FBXO28: variants seen among roughly 807,000 people sequenced by gnomAD.
FBXO28 encodes F-box only protein 28.
A neutral mutation model predicts 38.1 loss-of-function variants in FBXO28; 8 were observed. That is an observed-to-expected ratio of 0.21 (90% CI 0.12 to 0.38). The LOEUF (loss-of-function observed/expected upper bound fraction) is 0.38, where lower values mean the gene tolerates loss of function less well. Among genes scored for constraint, FBXO28 ranks in the 10% least tolerant of loss-of-function variants. The pLI, the probability that FBXO28 is intolerant of heterozygous loss-of-function variation, is 1.00. For missense variants in FBXO28, 345 were observed against 460.6 expected, an observed-to-expected ratio of 0.75 and a Z score of 2.30; for synonymous variants, 168 against 173.8, an observed-to-expected ratio of 0.97 and a Z score of 0.26.
chr1:224,135,611 CAAAAAAAAAAA>C (rs71168313), intron 3 of FBXO28, among the ~76,000 whole-genome samples: 30 of 110,762 alleles, frequency 2.7e-4, no homozygotes, highest in African/African-American at 9.5e-4. Context: ...GACTCTGTCT[CAAAAAAAAAAA>C]AAAAAAAAAA....
intron 3 of FBXO28, among the ~76,000 whole-genome samples, chr1:224,138,867 C>T (rs1375995684): frequency 1.3e-5 from 2 of 151,702 alleles, no homozygotes; most frequent in Non-Finnish European, 2.9e-5. Context: ...CTGCAACCTC[C>T]GCCTCCTGGG....
At chr1:224,128,387 G>A (rs186945360) in intron 1 of FBXO28, among the ~76,000 whole-genome samples, 3 of 151,734 alleles carry the variant, frequency 2.0e-5, no homozygotes, top group Non-Finnish European at 4.4e-5. Flanking sequence ...CTGTATACTA[G>A]ATCTAATTAA....
At chr1:224,147,697 T>C (rs1657542265) in intron 3 of FBXO28, among the ~76,000 whole-genome samples, 2 of 152,008 alleles carry the variant, frequency 1.3e-5, no homozygotes, top group South Asian at 4.2e-4. Flanking sequence ...TGGGTAAGGT[T>C]CAACATGTGG....
intron 3 of FBXO28, 136 bp downstream of exon 3, chr1:224,134,348 C>T (rs1657125994): frequency 1.4e-6 from 1 of 734,934 alleles, no homozygotes; most frequent in Admixed American, 2.9e-5. Flanking sequence ...TGTTTGCTTT[C>T]TGTACAGTTA....
intron 3 of FBXO28, among the ~76,000 whole-genome samples, chr1:224,135,605 C>CT (rs1657156208): frequency 1.3e-5 from 1 of 78,568 alleles, no homozygotes; most frequent in Non-Finnish European, 2.4e-5. Flanking sequence ...GAGCAAGACT[C>CT]TGTCTCAAAA....
At chr1:224,119,891 G>A (rs10916325) in intron 1 of FBXO28, among the ~76,000 whole-genome samples, 150,247 of 152,282 alleles carry the variant, frequency 0.99, 74,155 homozygotes, top group Middle Eastern at 1. Context: ...GTGGTCACCT[G>A]TCCTCCTGTC....
intron 1 of FBXO28, among the ~76,000 whole-genome samples, chr1:224,124,898 T>G (rs923421904): frequency 6.6e-6 from 1 of 152,054 alleles, no homozygotes; most frequent in Non-Finnish European, 1.5e-5. Flanking sequence ...TGGCAAATTT[T>G]TGTATTTTTA....
At chr1:224,116,467 CTGACATA>C (rs1656645683) in intron 1 of FBXO28, among the ~76,000 whole-genome samples, 1 of 152,108 alleles carries the variant, frequency 6.6e-6, no homozygotes, top group Admixed American at 6.5e-5. Context: ...ATGCTGCTAT[CTGACATA>C]TAAGTTACGT....
chr1:224,122,322 G>A (rs1572006215), intron 1 of FBXO28, among the ~76,000 whole-genome samples: 1 of 152,222 alleles, frequency 6.6e-6, no homozygotes, highest in South Asian at 2.1e-4. Flanking sequence ...ATGTGTGTAT[G>A]TGTGCATCTA....
At chr1:224,122,219 A>T (rs746830412) in intron 1 of FBXO28, among the ~76,000 whole-genome samples, 1 of 152,194 alleles carries the variant, frequency 6.6e-6, no homozygotes, top group Non-Finnish European at 1.5e-5. Flanking sequence ...TTCGTTCATT[A>T]TTCATTTTTT....
At position 224,160,276 on chromosome 1, in the gene FBXO28, T is replaced by C. The variant is rs146749528; in HGVS notation, c.*2530T>C. The C allele has an allele frequency of 4.6e-5, 7 of 152,366 alleles. No individual in the cohort carries two copies. The highest frequency in any genetic ancestry group is 1.7e-4 in the African/African-American group (7 of 41,590). 9.4% of individuals were successfully genotyped at this position (152,366 alleles called of 1,614,324 possible). A position where few individuals can be genotyped will look rare whatever the true frequency, so the allele number is the denominator to read the frequency against. Reference sequence around the variant, plus strand: ...GTAAATTAACCTCCTGAGAGAACCATTCTGCCCTGCATTTTAAGTCAGGTA... The same window carrying C: ...GTAAATTAACCTCCTGAGAGAACCACTCTGCCCTGCATTTTAAGTCAGGTA... On this transcript the variant is annotated 3_prime_UTR_variant, in exon 5 of 5. Transcript: ENST00000366862.
rs374924427 is a variant in FBXO28 at position 224,155,098 on chromosome 1, A to C, written c.712+1761A>C. The stretch of plus-strand genomic sequence containing the variant: ...AACAAATATACCAGATAAAATGCCA[A>C]AAACTCTTCAGGGACATATTTGGTG... On this transcript the variant is annotated intron_variant, in intron 4 of 4. Coordinates refer to ENST00000366862, the MANE Select transcript of FBXO28 (RefSeq NM_015176.4). 2.6e-5 allele frequency among the ~76,000 whole-genome samples: 4 copies of C among 152,320 alleles called. No individual in the cohort carries two copies. In the East Asian group the frequency reaches 5.8e-4, roughly 22 times the overall value.
rs57108038 is a variant in FBXO28, at chr1:224,139,764, G to GCATACATACATACATACATA, written c.516+5572_516+5591dup. On this transcript the variant is annotated intron_variant, in intron 3 of 4. Transcript: ENST00000366862. ...GAAATAAATACATACATGCATGCAT[G>GCATACATACATACATACATA]CATACATACATACATACATACATAC... 4.8e-5 allele frequency among the ~76,000 whole-genome samples: 7 copies of GCATACATACATACATACATA among 146,048 alleles called. No homozygotes were observed. The East Asian group carries it at 6.2e-4, about 13-fold the overall frequency.
chr1:224,131,562 T>C (rs1657049595), intron 2 of FBXO28, among the ~76,000 whole-genome samples: 1 of 152,166 alleles, frequency 6.6e-6, no homozygotes, highest in Non-Finnish European at 1.5e-5. Context: ...TCAAGATAAT[T>C]CAATGCAGTA....
chr1:224,120,875 AAAAAGAAAG>A (rs1656756121), intron 1 of FBXO28, among the ~76,000 whole-genome samples: 2 of 150,940 alleles, frequency 1.3e-5, no homozygotes, highest in African/African-American at 4.9e-5. Flanking sequence ...AAAAAAAAAA[AAAAAGAAAG>A]AAAGAAAAGA....
At chr1:224,124,371 C>G (rs943419334) in intron 1 of FBXO28, among the ~76,000 whole-genome samples, 2 of 152,154 alleles carry the variant, frequency 1.3e-5, no homozygotes, top group Non-Finnish European at 1.5e-5. Flanking sequence ...ATAGTATATA[C>G]TTTTCCTAAT....
intron 3 of FBXO28, among the ~76,000 whole-genome samples, chr1:224,137,692 A>G (rs1657229265): frequency 6.6e-6 from 1 of 151,890 alleles, no homozygotes; most frequent in South Asian, 2.1e-4. Context: ...GGGGAAAGCC[A>G]AGAGGAACTC....
chr1:224,157,212 C>A, intron 4 of FBXO28, 140 bp from the exon 5 acceptor site: 1 of 1,009,242 alleles, frequency 9.9e-7, no homozygotes, highest in Non-Finnish European at 1.4e-6. Context: ...GATGATTAAC[C>A]CAACTGACCA....
At chr1:224,135,397 A>C (rs1171959996) in intron 3 of FBXO28, among the ~76,000 whole-genome samples, 3 of 152,126 alleles carry the variant, frequency 2.0e-5, no homozygotes, top group East Asian at 1.9e-4. Context: ...TCAGTTGTTA[A>C]GTAACAGAGT....
Sources: allele counts gnomAD v4.1 joint callset (sites outside exome capture counted in the v4.1 genomes callset), GRCh38; gene constraint gnomAD v4.1.1; transcripts MANE v1.5; gene names NCBI Gene and HGNC (gene_info 2026-07-23, HGNC 2026-07-21).